The following SLC9C1 variants were observed in gnomAD, a reference collection of about 807,000 sequenced individuals.
SLC9C1 encodes sodium/hydrogen exchanger 10.
SLC9C1 carries 97 observed loss-of-function variants against 140.9 expected under a neutral mutation model. That is an observed-to-expected ratio of 0.69 (90% CI 0.58 to 0.82). SLC9C1 has a LOEUF of 0.82. Ranked by LOEUF, SLC9C1 falls within the 40% of genes least tolerant of loss-of-function variation. The pLI is 0.00. For synonymous variants in SLC9C1, 440 were observed against 442.6 expected (o/e 0.99, Z 0.07); for missense variants, 1,340 against 1,389.3 (o/e 0.96, Z 0.56).
chr3:112,150,836 ATATAT>A (rs1193680056), intron 28 of SLC9C1, among the ~76,000 whole-genome samples: 87 of 47,360 alleles, frequency 1.8e-3, no homozygotes, highest in Non-Finnish European at 1.3e-3. Flanking sequence ...ATATATATAT[ATATAT>A]TTTTTTTTTT....
intron 27 of SLC9C1, 101 bp downstream of exon 27, chr3:112,154,896 T>G (rs993412015): frequency 8.8e-7 from 1 of 1,134,368 alleles, no homozygotes; most frequent in Admixed American, 2.3e-5. Context: ...GACTAGCAGA[T>G]GAACTTTTTC....
intron 22 of SLC9C1, among the ~76,000 whole-genome samples, chr3:112,180,097 A>G (rs1000984619): frequency 1.3e-5 from 2 of 152,256 alleles, no homozygotes; most frequent in Non-Finnish European, 2.9e-5. Flanking sequence ...GTGTCTGAAC[A>G]TGAAAATTTA....
At chr3:112,271,215 G>A (rs1457791640) in intron 6 of SLC9C1, among the ~76,000 whole-genome samples, 1 of 151,940 alleles carries the variant, frequency 6.6e-6, no homozygotes, top group East Asian at 1.9e-4. Context: ...CAGGTGCAAA[G>A]TTTCCAAGAG....
intron 10 of SLC9C1, 89 bp from the exon 11 acceptor site, chr3:112,244,165 A>C (rs778616515): frequency 3.2e-5 from 25 of 785,710 alleles, no homozygotes; most frequent in Non-Finnish European, 4.4e-5. Flanking sequence ...GCTATTTTCC[A>C]ATATAAATTA....
intron 25 of SLC9C1, 69 bp downstream of exon 25, chr3:112,168,808 T>A: frequency 7.3e-7 from 1 of 1,365,654 alleles, no homozygotes; most frequent in Non-Finnish European, 9.9e-7. Flanking sequence ...AGTGACAGTT[T>A]TTCTGACGTT....
chr3:112,142,762 A>T (rs1261678050), intron 28 of SLC9C1, among the ~76,000 whole-genome samples: 2 of 152,152 alleles, frequency 1.3e-5, no homozygotes, highest in Non-Finnish European at 1.5e-5. Context: ...GATTCCAGGG[A>T]TACATGTGCA....
At chr3:112,277,606 A>G in intron 5 of SLC9C1, 89 bp downstream of exon 5, 1 of 1,188,892 alleles carries the variant, frequency 8.4e-7, no homozygotes, top group Non-Finnish European at 1.1e-6. Context: ...TCTCACAGTG[A>G]AAAGCTACCA....
Position 112,277,755 on chromosome 3 carries a change from A to G in SLC9C1, c.424T>C (p.Phe142Leu). The change falls in exon 5 of 29, where the codon TTT becomes CTT. Residue 142 changes from phenylalanine (F) to leucine (L), a missense_variant. By Grantham distance (22) the Phe-to-Leu change is conservative (BLOSUM62 0). Coordinates refer to ENST00000305815, the MANE Select transcript of SLC9C1 (RefSeq NM_183061.3). ...LLLKPTQWLL[F>L]SAILVSSDPM... Reference sequence around the variant, plus strand: ...TCTGAACTCACAAGGATAGCTGAAAATAATAACCATTGGGTAGGCTTCAAA... The same window carrying G: ...TCTGAACTCACAAGGATAGCTGAAAGTAATAACCATTGGGTAGGCTTCAAA... 6 of 1,612,630 alleles carry G rather than the reference A, an allele frequency of 3.7e-6. No homozygotes were observed. Among genetic ancestry groups the G allele is most frequent in the Non-Finnish European group, 5.1e-6 (6 of 1,179,228 alleles).
At chr3:112,214,466 G>A (rs528681851) in intron 15 of SLC9C1, among the ~76,000 whole-genome samples, 2 of 152,112 alleles carry the variant, frequency 1.3e-5, no homozygotes, top group South Asian at 2.1e-4. Flanking sequence ...CCACTAGCAA[G>A]ACTAATAAAG....
In SLC9C1 at chr3:112,208,295, C is replaced by A; in HGVS notation, c.1869G>T (p.Met623Ile). ...AAGAGATTATAAAGGGAAATATATT[C>A]ATTAATATCACAAGGTATCCAACAT... ...FEHVGYLVIL[M>I]NIFPFIISWI... Residue 623 changes from methionine (M) to isoleucine (I), a missense_variant, in exon 16 of 29, where the codon ATG becomes ATT. By Grantham distance (10) the Met-to-Ile change is conservative (BLOSUM62 1). Coordinates refer to ENST00000305815, the MANE Select transcript of SLC9C1 (RefSeq NM_183061.3). 1 of 1,609,544 alleles carries A rather than the reference C, an allele frequency of 6.2e-7. No homozygotes were observed. The highest frequency in any genetic ancestry group is 8.5e-7 in the Non-Finnish European group (1 of 1,176,864).
intron 28 of SLC9C1, among the ~76,000 whole-genome samples, chr3:112,149,947 G>C (rs1394140355): frequency 6.6e-6 from 1 of 152,122 alleles, no homozygotes; most frequent in Non-Finnish European, 1.5e-5. Flanking sequence ...AGGGGAGCAG[G>C]GTAAGGCACT....
At chr3:112,252,751 G>C (rs933752282) in intron 10 of SLC9C1, among the ~76,000 whole-genome samples, 1 of 152,162 alleles carries the variant, frequency 6.6e-6, no homozygotes, top group Non-Finnish European at 1.5e-5. Flanking sequence ...GGTGACCAGG[G>C]ACTGGAGTGA....
intron 23 of SLC9C1, among the ~76,000 whole-genome samples, chr3:112,175,839 T>G (rs1256425207): frequency 1.3e-5 from 2 of 152,174 alleles, no homozygotes; most frequent in Non-Finnish European, 1.5e-5. Flanking sequence ...GCAAAGGTGG[T>G]GGCCCGCCCG....
chr3:112,167,092 C>T (rs934761667), intron 26 of SLC9C1, 129 bp downstream of exon 26: 1 of 942,764 alleles, frequency 1.1e-6, no homozygotes, highest in South Asian at 1.7e-5. Flanking sequence ...CATTGAATAG[C>T]AAATATGGCA....
chr3:112,152,715 T>C (rs1310588400), intron 27 of SLC9C1, among the ~76,000 whole-genome samples: 1 of 152,158 alleles, frequency 6.6e-6, no homozygotes, highest in African/African-American at 2.4e-5. Flanking sequence ...CACAGTGCAT[T>C]GTGTCCCTGG....
At chr3:112,287,892 A>C (rs4682394) in intron 1 of SLC9C1, among the ~76,000 whole-genome samples, 93,128 of 151,528 alleles carry the variant, frequency 0.61, 28,898 homozygotes, top group East Asian at 0.79. Context: ...AAATACAAAA[A>C]ATTAGCCGGG....
intron 6 of SLC9C1, among the ~76,000 whole-genome samples, chr3:112,273,069 G>T (rs2080118918): frequency 6.6e-6 from 1 of 152,090 alleles, no homozygotes; most frequent in Non-Finnish European, 1.5e-5. Context: ...ACTGAACCAG[G>T]TTTAGTAGGT....
At chr3:112,191,808 C>T (rs1327532987) in intron 20 of SLC9C1, among the ~76,000 whole-genome samples, 1 of 151,910 alleles carries the variant, frequency 6.6e-6, no homozygotes, top group African/African-American at 2.4e-5. Context: ...AGGTATGGAT[C>T]TAATGTTATA....
intron 10 of SLC9C1, among the ~76,000 whole-genome samples, chr3:112,246,787 A>G (rs1251595404): frequency 2.0e-5 from 3 of 152,224 alleles, no homozygotes; most frequent in African/African-American, 7.2e-5. Flanking sequence ...AGCAGCATTA[A>G]TGGTGCCATA....
Sources: gnomAD v4.1 joint callset for allele counts (sites outside exome capture counted in the v4.1 genomes callset) on GRCh38, gnomAD v4.1.1 for gene constraint, MANE v1.5 for transcripts, NCBI Gene and HGNC (gene_info 2026-07-23, HGNC 2026-07-21) for gene names.